Variants in FSTL5 observed in about 807,000 individuals in gnomAD.
FSTL5 encodes the protein follistatin like 5.
In FSTL5, 62 loss-of-function variants were observed where a neutral mutation model predicts 89.1. That is an observed-to-expected ratio of 0.70 (90% CI 0.57 to 0.86). The LOEUF is 0.86. Among genes scored for constraint, FSTL5 ranks in the 40% least tolerant of loss-of-function variants. The pLI is 0.00. For missense variants in FSTL5, 1,057 were observed against 1,001.6 expected, an observed-to-expected ratio of 1.06 and a Z score of -0.75; for synonymous variants, 383 against 346.2, an observed-to-expected ratio of 1.11 and a Z score of -1.18.
chr4:161,863,485 T>C (rs1283883428), intron 4 of FSTL5, among the ~76,000 whole-genome samples: 2 of 152,112 alleles, frequency 1.3e-5, no homozygotes, highest in South Asian at 2.1e-4. Context: ...ACAACAGAAA[T>C]AGAGAACATT....
chr4:161,654,698 G>A (rs1294521444), intron 7 of FSTL5, among the ~76,000 whole-genome samples: 1 of 152,082 alleles, frequency 6.6e-6, no homozygotes, highest in African/African-American at 2.4e-5. Context: ...CTGTGTTTTA[G>A]GGGTTCTGTA....
intron 4 of FSTL5, among the ~76,000 whole-genome samples, chr4:161,884,707 T>A (rs1486194857): frequency 6.6e-6 from 1 of 152,198 alleles, no homozygotes; most frequent in Admixed American, 6.5e-5. Context: ...GAGCTTTAAT[T>A]TATAACTAAT....
At chr4:162,155,088 G>T (rs1205037421) in intron 1 of FSTL5, among the ~76,000 whole-genome samples, 2 of 152,168 alleles carry the variant, frequency 1.3e-5, no homozygotes, top group East Asian at 3.8e-4. Flanking sequence ...TTGTGTGTAG[G>T]CAGGACCTAT....
chr4:161,861,908 C>T (rs1437053671), intron 4 of FSTL5, among the ~76,000 whole-genome samples: 5 of 152,142 alleles, frequency 3.3e-5, no homozygotes, highest in Non-Finnish European at 7.4e-5. Context: ...TTAGTTCATT[C>T]CATCTCACTG....
chr4:162,045,679 G>A (rs1335084725), intron 2 of FSTL5, among the ~76,000 whole-genome samples: 1 of 152,010 alleles, frequency 6.6e-6, no homozygotes. Flanking sequence ...TTAACACCGG[G>A]CTACCACGAA....
At chr4:161,899,355 T>C (rs781312927) in intron 4 of FSTL5, among the ~76,000 whole-genome samples, 6 of 152,198 alleles carry the variant, frequency 3.9e-5, no homozygotes, top group Non-Finnish European at 8.8e-5. Flanking sequence ...TAGGCCCTAG[T>C]GCCCAGCTGT....
At chr4:161,518,209 T>G (rs2126511701) in intron 10 of FSTL5, among the ~76,000 whole-genome samples, 1 of 152,312 alleles carries the variant, frequency 6.6e-6, no homozygotes, top group East Asian at 1.9e-4. Context: ...GTGCCCAGCT[T>G]ACATTAGGGC....
At chr4:161,772,520 T>C (rs1040733664) in intron 5 of FSTL5, among the ~76,000 whole-genome samples, 1 of 152,080 alleles carries the variant, frequency 6.6e-6, no homozygotes, top group Admixed American at 6.6e-5. Flanking sequence ...AAAATTAATG[T>C]ACACAAATCA....
intron 8 of FSTL5, among the ~76,000 whole-genome samples, chr4:161,559,312 T>C (rs1732503207): frequency 1.3e-5 from 2 of 151,800 alleles, no homozygotes; most frequent in Non-Finnish European, 2.9e-5. Flanking sequence ...AACTGCTGTT[T>C]CCTTCTATTT....
chr4:161,842,345 A>T (rs1731236317), intron 4 of FSTL5, among the ~76,000 whole-genome samples: 1 of 152,170 alleles, frequency 6.6e-6, no homozygotes, highest in African/African-American at 2.4e-5. Flanking sequence ...AAAAATGAAC[A>T]CCAGTATAAT....
chr4:161,866,493 T>TGC (rs1732095939), intron 4 of FSTL5, among the ~76,000 whole-genome samples: 4 of 151,036 alleles, frequency 2.6e-5, no homozygotes, highest in Non-Finnish European at 5.9e-5. Context: ...TGTGTGTGTG[T>TGC]GTGTGTGTGT....
At chr4:161,602,055 T>C (rs992394759) in intron 7 of FSTL5, among the ~76,000 whole-genome samples, 3 of 152,030 alleles carry the variant, frequency 2.0e-5, no homozygotes, top group Non-Finnish European at 4.4e-5. Flanking sequence ...ATTAATATGT[T>C]AATATTTCTA....
At chr4:162,143,772 A>T (rs1732850566) in intron 1 of FSTL5, among the ~76,000 whole-genome samples, 1 of 132,974 alleles carries the variant, frequency 7.5e-6, no homozygotes, top group Non-Finnish European at 1.6e-5. Flanking sequence ...GTTACATTGT[A>T]TCTGACTTTA....
intron 8 of FSTL5, among the ~76,000 whole-genome samples, chr4:161,566,603 C>T (rs1732824869): frequency 1.3e-5 from 2 of 152,012 alleles, no homozygotes; most frequent in African/African-American, 4.8e-5. Context: ...TCTCTGCAGC[C>T]TTGCCAGCAT....
At chr4:162,014,439 T>C (rs1419060288) in intron 3 of FSTL5, among the ~76,000 whole-genome samples, 1 of 152,178 alleles carries the variant, frequency 6.6e-6, no homozygotes, top group Non-Finnish European at 1.5e-5. Context: ...AGGGAAATGG[T>C]GAAAGAACTT....
intron 3 of FSTL5, among the ~76,000 whole-genome samples, chr4:161,968,425 G>T (rs901200842): frequency 6.6e-6 from 1 of 151,952 alleles, no homozygotes; most frequent in Admixed American, 6.6e-5. Flanking sequence ...GAGTTGAAAA[G>T]CAGTTTTGAT....
intron 4 of FSTL5, among the ~76,000 whole-genome samples, chr4:161,821,383 A>T (rs1730489077): frequency 6.6e-6 from 1 of 152,142 alleles, no homozygotes; most frequent in Non-Finnish European, 1.5e-5. Context: ...CATGGAGAAG[A>T]TTCCATACTA....
chr4:161,795,803 A>G lies in FSTL5; in HGVS notation c.410-19729T>C, dbSNP rs550765517. On this transcript the variant is annotated intron_variant, in intron 4 of 15. Coordinates refer to ENST00000306100, the MANE Select transcript of FSTL5 (RefSeq NM_020116.5). Reference sequence around the variant, plus strand: ...CTCTATTCTGTTAATTGGTCTATGTATCTGTTTCTATGCCAGTACCATATT... The same window carrying G: ...CTCTATTCTGTTAATTGGTCTATGTGTCTGTTTCTATGCCAGTACCATATT... Among the ~76,000 whole-genome samples the G allele has an allele frequency of 3.3e-5, 5 of 152,084 alleles. No homozygotes were observed. In the East Asian group the frequency reaches 9.6e-4, roughly 29 times the overall value.
In FSTL5 at chr4:161,900,638, C is replaced by CAAA. The variant is rs58702301; in HGVS notation, c.409+19763_409+19765dup. On this transcript the variant is annotated intron_variant, in intron 4 of 15. Transcript: ENST00000306100. ...TGGGTGACAGAGCGAGACTCCATCT[C>CAAA]AAAAAAAAAAAAAAAAAAAAGAAAG... 1.6e-3 allele frequency among the ~76,000 whole-genome samples: 105 copies of CAAA among 64,774 alleles called. 1 individual carries two copies. The highest frequency in any genetic ancestry group is 5.6e-3 in the African/African-American group (87 of 15,522). 42.5% of individuals were successfully genotyped at this position (64,774 alleles called of 152,430 possible).
Sources: allele counts gnomAD v4.1 joint callset (sites outside exome capture counted in the v4.1 genomes callset), GRCh38; gene constraint gnomAD v4.1.1; transcripts MANE v1.5; gene names NCBI Gene and HGNC (gene_info 2026-07-23, HGNC 2026-07-21).